The following CCDC7 variants were observed in gnomAD, a reference collection of about 807,000 sequenced individuals.
CCDC7 encodes the protein coiled-coil domain containing 7.
CCDC7 carries 183 observed loss-of-function variants against 196.9 expected under a neutral mutation model. The observed-to-expected ratio is 0.93, with a 90% CI of 0.82 to 1.05. The LOEUF is 1.05. Ranked by LOEUF, CCDC7 falls within the 50% of genes least tolerant of loss-of-function variation. CCDC7 has a pLI of 0.00. For missense variants in CCDC7, 1,540 were observed against 1,482.2 expected (o/e 1.04, Z -0.64); for synonymous variants, 525 against 484.6 (o/e 1.08, Z -1.10).
At chr10:32,634,065 A>G (rs111444578) in intron 18 of CCDC7, among the ~76,000 whole-genome samples, 189 bp from the exon 20 acceptor site, 5 of 152,184 alleles carry the variant, frequency 3.3e-5, no homozygotes, top group African/African-American at 1.2e-4. Flanking sequence ...GGAAATAATG[A>G]AACAGCAACA....
At chr10:32,548,280 G>A (rs2052834635) in intron 13 of CCDC7, among the ~76,000 whole-genome samples, 1 of 152,122 alleles carries the variant, frequency 6.6e-6, no homozygotes, top group African/African-American at 2.4e-5. Flanking sequence ...CTATTTTAAA[G>A]AGAGCAGGAG....
At chr10:32,601,355 GC>G (rs2060978997) in intron 18 of CCDC7, among the ~76,000 whole-genome samples, 1 of 152,330 alleles carries the variant, frequency 6.6e-6, no homozygotes, top group South Asian at 2.1e-4. Flanking sequence ...ACAGGCATGA[GC>G]TACCACACCC....
chr10:32,856,278 C>A (rs1203078460), intron 41 of CCDC7, among the ~76,000 whole-genome samples: 2 of 152,074 alleles, frequency 1.3e-5, no homozygotes, highest in African/African-American at 4.8e-5. Context: ...AAAAGGCAAA[C>A]CACAGAATGG....
At chr10:32,703,286 C>T (rs557902772) in intron 24 of CCDC7, among the ~76,000 whole-genome samples, 184 of 152,096 alleles carry the variant, frequency 1.2e-3, no homozygotes, top group African/African-American at 4.0e-3. Flanking sequence ...CTTAGTTTGG[C>T]TGGATATGAA....
chr10:32,673,310 T>C (rs1216166968), intron 21 of CCDC7, among the ~76,000 whole-genome samples: 1 of 152,162 alleles, frequency 6.6e-6, no homozygotes, highest in East Asian at 1.9e-4. Context: ...AATTGTTATT[T>C]CAATTTCTGT....
chr10:32,810,642 TA>T (rs2086878857), intron 30 of CCDC7, among the ~76,000 whole-genome samples: 2 of 152,146 alleles, frequency 1.3e-5, no homozygotes, highest in Non-Finnish European at 2.9e-5. Context: ...ACATTGAGTT[TA>T]AACATCAGTT....
chr10:32,649,226 G>A (rs1471356301), intron 20 of CCDC7, among the ~76,000 whole-genome samples: 4 of 152,170 alleles, frequency 2.6e-5, no homozygotes. Flanking sequence ...CCTGGGTGAT[G>A]GGATGATCTG....
intron 30 of CCDC7, among the ~76,000 whole-genome samples, chr10:32,808,894 G>T (rs1297839016): frequency 6.6e-6 from 1 of 152,170 alleles, no homozygotes; most frequent in Non-Finnish European, 1.5e-5. Context: ...GCCCAACCCA[G>T]GGTAGGCATG....
At chr10:32,568,112 T>C (rs1455243158) in intron 15 of CCDC7, among the ~76,000 whole-genome samples, 3 of 149,352 alleles carry the variant, frequency 2.0e-5, no homozygotes, top group African/African-American at 7.4e-5. Flanking sequence ...GTTCAAGGGA[T>C]TCTCCTGCCT....
At chr10:32,496,225 G>T (rs1296348972) in intron 9 of CCDC7, among the ~76,000 whole-genome samples, 1 of 152,096 alleles carries the variant, frequency 6.6e-6, no homozygotes, top group East Asian at 1.9e-4. Flanking sequence ...TGTGATTTTT[G>T]CATATTGATT....
At chr10:32,555,466 G>A (rs1217026185) in intron 13 of CCDC7, among the ~76,000 whole-genome samples, 1 of 151,948 alleles carries the variant, frequency 6.6e-6, no homozygotes, top group Non-Finnish European at 1.5e-5. Context: ...GGATGGTCTC[G>A]ATCTCTTGAC....
intron 18 of CCDC7, among the ~76,000 whole-genome samples, chr10:32,597,942 C>T (rs2138180363): frequency 6.6e-6 from 1 of 152,322 alleles, no homozygotes; most frequent in Middle Eastern, 3.4e-3. Flanking sequence ...AATTAGGCTA[C>T]TCAGGGGTCA....
chr10:32,452,747 A>G (rs964496508), intron 1 of CCDC7, among the ~76,000 whole-genome samples: 8 of 152,196 alleles, frequency 5.3e-5, no homozygotes, highest in African/African-American at 1.9e-4. Flanking sequence ...CATGAGCACC[A>G]TGCCTGGCTG....
intron 20 of CCDC7, among the ~76,000 whole-genome samples, chr10:32,660,709 A>T (rs1792529450): frequency 6.6e-6 from 1 of 152,160 alleles, no homozygotes; most frequent in African/African-American, 2.4e-5. Flanking sequence ...AACCTGAGAA[A>T]AACAAGCAAT....
intron 9 of CCDC7, among the ~76,000 whole-genome samples, chr10:32,515,449 G>A (rs576682902): frequency 1.3e-5 from 2 of 152,334 alleles, no homozygotes; most frequent in East Asian, 3.9e-4. Flanking sequence ...TTCAAGGTAA[G>A]ATGATTCAAT....
At chr10:32,716,233 A>G (rs2081555168) in intron 25 of CCDC7, among the ~76,000 whole-genome samples, 1 of 152,212 alleles carries the variant, frequency 6.6e-6, no homozygotes, top group Non-Finnish European at 1.5e-5. Context: ...ACCAGAAGGG[A>G]GTGGGGGCCA....
At position 32,501,999 on chromosome 10, in the gene CCDC7, C is replaced by T. The variant is rs545505508; in HGVS notation, c.872+10002C>T. ...GAGCTGCGGTGGGCTCCAACCAGTT[C>T]GAACTTCCTGGCGGCTTTGTTTACA... On this transcript the variant is annotated intron_variant, in intron 9 of 41. Transcript: ENST00000639629. Among the ~76,000 whole-genome samples the T allele has an allele frequency of 3.5e-4, 54 of 152,258 alleles. 1 individual carries two copies. Among genetic ancestry groups the T allele is most frequent in the Middle Eastern group, 3.4e-3 (1 of 294 alleles).
intron 21 of CCDC7, among the ~76,000 whole-genome samples, chr10:32,669,157 C>T (rs1214807403): frequency 1.3e-5 from 2 of 152,064 alleles, no homozygotes; most frequent in African/African-American, 2.4e-5. Flanking sequence ...TTGAGATTAT[C>T]ATGTGGTTTT....
intron 9 of CCDC7, among the ~76,000 whole-genome samples, chr10:32,496,901 C>T (rs189639703): frequency 5.4e-4 from 82 of 152,182 alleles, no homozygotes; most frequent in African/African-American, 1.7e-3. Flanking sequence ...AGGTGCTGGC[C>T]TCATAAAATG....
Sources: gnomAD v4.1 joint callset for allele counts (sites outside exome capture counted in the v4.1 genomes callset) on GRCh38, gnomAD v4.1.1 for gene constraint, MANE v1.5 for transcripts, NCBI Gene and HGNC (gene_info 2026-07-23, HGNC 2026-07-21) for gene names.